Variants in PRKAR1A observed in about 807,000 individuals in gnomAD.
PRKAR1A encodes protein kinase cAMP-dependent type I regulatory subunit alpha, also known as cAMP-dependent protein kinase type I-alpha regulatory subunit.
Under a neutral mutation model 52.0 loss-of-function variants are expected in PRKAR1A, and 3 were observed. That is an observed-to-expected ratio of 0.06 (90% CI 0.03 to 0.15). The LOEUF is 0.15. Ranked by LOEUF, PRKAR1A falls within the 10% of genes least tolerant of loss-of-function variation. The probability of loss-of-function intolerance (pLI) is 1.00; values close to 1 mark genes in which losing one functional copy is unlikely to be tolerated. For missense variants in PRKAR1A, 240 were observed against 477.4 expected (o/e 0.50, Z 4.63); for synonymous variants, 188 against 168.4 (o/e 1.12, Z -0.90).
chr17:68,548,644 A>G (rs1439279207), intron 11 of PRKAR1A, among the ~76,000 whole-genome samples: 1 of 151,996 alleles, frequency 6.6e-6, no homozygotes, highest in Non-Finnish European at 1.5e-5. Flanking sequence ...CAGGGTTGCC[A>G]CAAGCCTTCA....
At chr17:68,447,313 A>C in the PRKAR1A span, among the ~76,000 whole-genome samples, 1 of 152,376 alleles carries the variant, frequency 6.6e-6, no homozygotes, top group East Asian at 1.9e-4. Flanking sequence ...AGTTCAATAC[A>C]AGAGAAATAA....
chr17:68,473,007 T>G, the PRKAR1A span, among the ~76,000 whole-genome samples: 1 of 152,186 alleles, frequency 6.6e-6, no homozygotes, highest in African/African-American at 2.4e-5. Flanking sequence ...TAGATTTTTC[T>G]GCTCACTTTT....
At chr17:68,473,225 C>T in the PRKAR1A span, among the ~76,000 whole-genome samples, 8 of 152,138 alleles carry the variant, frequency 5.3e-5, no homozygotes, top group Admixed American at 5.2e-4. Context: ...ATTAGAATGT[C>T]ATTGTACACA....
chr17:68,506,072 T>C, the PRKAR1A span, among the ~76,000 whole-genome samples: 2 of 152,248 alleles, frequency 1.3e-5, no homozygotes, highest in Admixed American at 6.5e-5. Flanking sequence ...CCCATTCATT[T>C]ACATATTGCC....
At chr17:68,486,506 C>CTTCCTTCCCTCTTTCTTTCTTTCT in the PRKAR1A span, among the ~76,000 whole-genome samples, 1 of 48,200 alleles carries the variant, frequency 2.1e-5, no homozygotes, top group Non-Finnish European at 4.1e-5. Flanking sequence ...TCCTTCCTTC[C>CTTCCTTCCCTCTTTCTTTCTTTCT]TTCTTTCTTT....
the PRKAR1A span, among the ~76,000 whole-genome samples, chr17:68,465,601 T>A: frequency 6.9e-6 from 1 of 145,432 alleles, no homozygotes; most frequent in Admixed American, 7.0e-5. Flanking sequence ...ATTACAGACG[T>A]GCGGTGCGCG....
chr17:68,471,109 G>T, the PRKAR1A span, among the ~76,000 whole-genome samples: 2 of 152,046 alleles, frequency 1.3e-5, no homozygotes, highest in Non-Finnish European at 2.9e-5. Flanking sequence ...TTTTCCCCCA[G>T]ATTTGAAAAG....
the PRKAR1A span, among the ~76,000 whole-genome samples, chr17:68,477,011 A>T: frequency 6.6e-6 from 1 of 152,188 alleles, no homozygotes; most frequent in East Asian, 1.9e-4. Context: ...TGAATTCTGC[A>T]GTATATCAAA....
At chr17:68,418,717 C>G in the PRKAR1A span, among the ~76,000 whole-genome samples, 37 of 152,264 alleles carry the variant, frequency 2.4e-4, no homozygotes, top group Non-Finnish European at 5.1e-4. Flanking sequence ...ATCCTAATCT[C>G]AGTTTTATTT....
chr17:68,537,733 T>C (rs1280135042), downstream of PRKAR1A: 3 of 1,610,992 alleles, frequency 1.9e-6, no homozygotes, highest in Middle Eastern at 1.7e-4. This position sits in a 1 kb window ranked among gnomAD's most constrained non-coding sequence, Gnocchi z 4.2. Flanking sequence ...AAGTGTTTTC[T>C]TTTTTATCCT....
At chr17:68,534,475 C>G (rs559553307), downstream of PRKAR1A, among the ~76,000 whole-genome samples, 30 of 151,642 alleles carry the variant, frequency 2.0e-4, no homozygotes, top group Non-Finnish European at 4.1e-4. Flanking sequence ...CCTCCCAACA[C>G]ACATGTTCCC....
chr17:68,493,551 C>A, the PRKAR1A span: 2 of 152,006 alleles, frequency 1.3e-5, no homozygotes, highest in Admixed American at 6.6e-5. Flanking sequence ...GTCTCCTTGC[C>A]AAACTATTCT....
the PRKAR1A span, chr17:68,436,290 G>T: frequency 8.6e-7 from 1 of 1,160,430 alleles, no homozygotes; most frequent in Non-Finnish European, 1.3e-6. Flanking sequence ...ACCGCCTCCA[G>T]CCCCCGACGG....
chr17:68,509,310 G>A (rs978926623), upstream of PRKAR1A, among the ~76,000 whole-genome samples: 2 of 152,116 alleles, frequency 1.3e-5, no homozygotes, highest in Non-Finnish European at 2.9e-5. Flanking sequence ...GTACATGCGT[G>A]GGTCACCACA....
chr17:68,451,360 G>A, the PRKAR1A span, among the ~76,000 whole-genome samples: 1 of 152,310 alleles, frequency 6.6e-6, no homozygotes, highest in East Asian at 1.9e-4. Flanking sequence ...CCTGAACCCA[G>A]GAGGAAGAGA....
the PRKAR1A span, among the ~76,000 whole-genome samples, chr17:68,479,237 T>C: frequency 6.6e-6 from 1 of 152,244 alleles, no homozygotes. Flanking sequence ...TCTTTTGTTT[T>C]TATTTCTTGT....
At chr17:68,425,776 G>A in the PRKAR1A span, 1 of 332,226 alleles carries the variant, frequency 3.0e-6, no homozygotes, top group African/African-American at 2.1e-5. Flanking sequence ...CAAAGTCAGT[G>A]CTACAGAAGC....
chr17:68,515,927 A>C, intron 2 of PRKAR1A: 2 of 243,696 alleles, frequency 8.2e-6, no homozygotes, highest in South Asian at 9.7e-5. Context: ...TCTTAAAGGC[A>C]GTTAATGCTC....
chr17:68,504,479 TG>T, the PRKAR1A span, among the ~76,000 whole-genome samples: 1 of 152,078 alleles, frequency 6.6e-6, no homozygotes, highest in African/African-American at 2.4e-5. Context: ...AAAAGACATG[TG>T]GTACAAATAC....
Sources: allele counts gnomAD v4.1 joint callset (sites outside exome capture counted in the v4.1 genomes callset), GRCh38; gene constraint gnomAD v4.1.1; non-coding constraint Gnocchi (gnomAD v3.1); transcripts MANE v1.5; gene names NCBI Gene and HGNC (gene_info 2026-07-23, HGNC 2026-07-21).